PHACTR4: variants seen among roughly 807,000 people sequenced by gnomAD.
PHACTR4 encodes protein phosphatase 1, regulatory subunit 124.
A neutral mutation model predicts 72.7 loss-of-function variants in PHACTR4; 51 were observed. That is an observed-to-expected ratio of 0.70 (90% CI 0.56 to 0.89). PHACTR4 has a LOEUF of 0.89. PHACTR4 is among the 40% of genes least tolerant of loss of function. PHACTR4 has a pLI of 0.00. For missense variants in PHACTR4, 731 were observed against 861.8 expected, an observed-to-expected ratio of 0.85 and a Z score of 1.90; for synonymous variants, 255 against 302.5, an observed-to-expected ratio of 0.84 and a Z score of 1.63.
At chr1:28,377,963 T>C (rs577802757) in intron 1 of PHACTR4, among the ~76,000 whole-genome samples, 57 of 151,956 alleles carry the variant, frequency 3.8e-4, no homozygotes, top group Non-Finnish European at 7.4e-4. Flanking sequence ...TTTGGGAGGC[T>C]GAGGCGGGCG....
chr1:28,447,036 A>C (rs951753356), intron 2 of PHACTR4, among the ~76,000 whole-genome samples: 2 of 132,350 alleles, frequency 1.5e-5, no homozygotes, highest in African/African-American at 7.7e-5. Flanking sequence ...ATTTAGATAG[A>C]GTCTCACTTT....
chr1:28,494,088 G>A (rs940329135), intron 13 of PHACTR4: 1 of 152,118 alleles, frequency 6.6e-6, no homozygotes, highest in Non-Finnish European at 1.5e-5. Flanking sequence ...GAGGCTGAGT[G>A]CAGTGGTTCA....
intron 1 of PHACTR4, among the ~76,000 whole-genome samples, chr1:28,380,246 C>T (rs1652056743): frequency 6.7e-6 from 1 of 150,256 alleles, no homozygotes; most frequent in Admixed American, 6.7e-5. Flanking sequence ...TTAGTAGAGA[C>T]GGGGTTTCAC....
chr1:28,408,177 C>T (rs560281015), intron 2 of PHACTR4, among the ~76,000 whole-genome samples: 10 of 152,220 alleles, frequency 6.6e-5, no homozygotes, highest in Non-Finnish European at 1.3e-4. Flanking sequence ...CTTATGTATA[C>T]TTCTCTTTGG....
Position 28,465,398 on chromosome 1 carries a change from T to G in PHACTR4, c.272-287T>G, listed in dbSNP as rs533514279. Among the ~76,000 whole-genome samples the G allele has an allele frequency of 1.3e-5, 2 of 152,228 alleles. 1 individual carries two copies. The highest frequency in any genetic ancestry group is 4.1e-4 in the South Asian group (2 of 4,830). ...TGGCGTGAACCCGGGAGGCAGAGGC[T>G]GCAGCGAGCCAAGATCATGCCACTG... On this transcript the variant is annotated intron_variant, in intron 4 of 13. Coordinates refer to ENST00000373839, the MANE Select transcript of PHACTR4 (RefSeq NM_001048183.3).
intron 1 of PHACTR4, among the ~76,000 whole-genome samples, chr1:28,388,117 G>T (rs981656689): frequency 8.6e-5 from 13 of 151,974 alleles, no homozygotes; most frequent in African/African-American, 2.9e-4. Flanking sequence ...CCTGAGCCAG[G>T]AGACTGAGGA....
chr1:28,448,401 AGAAAGGAAAGGAAAGGGGAAAGGAAAAAG>A (rs1467924627), intron 2 of PHACTR4, among the ~76,000 whole-genome samples: 1 of 149,156 alleles, frequency 6.7e-6, no homozygotes, highest in African/African-American at 2.5e-5. Context: ...AGAAAAGAAA[AGAAAGGAAAGGAAAGGGGAAAGGAAAAAG>A]GAAAGGAAAG....
intron 2 of PHACTR4, among the ~76,000 whole-genome samples, chr1:28,409,951 A>ATTTTTTTTTTTT (rs57186471): frequency 1.1e-4 from 7 of 66,362 alleles, no homozygotes; most frequent in African/African-American, 4.5e-4. Flanking sequence ...TTCTTCATAA[A>ATTTTTTTTTTTT]TTTTTTTTTT....
At chr1:28,443,175 T>C (rs1214088719) in intron 2 of PHACTR4, among the ~76,000 whole-genome samples, 1 of 152,160 alleles carries the variant, frequency 6.6e-6, no homozygotes, top group Admixed American at 6.6e-5. Context: ...TGAGAACATG[T>C]GGTGTTAAAC....
chr1:28,399,771 TAAAATA>T (rs1264154972), intron 1 of PHACTR4, among the ~76,000 whole-genome samples: 1 of 152,032 alleles, frequency 6.6e-6, no homozygotes, highest in Admixed American at 6.6e-5. Context: ...AGTGATACAT[TAAAATA>T]AAAATAAAAC....
intron 9 of PHACTR4, among the ~76,000 whole-genome samples, chr1:28,484,086 G>T (rs1660467250): frequency 6.6e-6 from 1 of 152,064 alleles, no homozygotes; most frequent in Non-Finnish European, 1.5e-5. Flanking sequence ...ACGTTTGAAG[G>T]CCGAGGCAGG....
chr1:28,392,874 GA>G (rs1477878643), intron 1 of PHACTR4, among the ~76,000 whole-genome samples: 1 of 151,926 alleles, frequency 6.6e-6, no homozygotes, highest in Non-Finnish European at 1.5e-5. Flanking sequence ...TTGTGAAGAC[GA>G]AAAAAGAAAA....
intron 1 of PHACTR4, among the ~76,000 whole-genome samples, chr1:28,387,732 A>T (rs968388164): frequency 2.7e-5 from 4 of 147,296 alleles, no homozygotes; most frequent in African/African-American, 7.5e-5. Flanking sequence ...ACAAAAAACA[A>T]TTTTTTTTTT....
intron 1 of PHACTR4, among the ~76,000 whole-genome samples, chr1:28,399,291 G>T (rs1244645591): frequency 6.6e-6 from 1 of 152,082 alleles, no homozygotes; most frequent in Non-Finnish European, 1.5e-5. Flanking sequence ...CAGCCTGGGC[G>T]ACAGAGCAAG....
At chr1:28,446,078 T>C (rs1307761480) in intron 2 of PHACTR4, among the ~76,000 whole-genome samples, 2 of 152,188 alleles carry the variant, frequency 1.3e-5, no homozygotes, top group Non-Finnish European at 2.9e-5. Context: ...TATTTGGTTA[T>C]CAGAATTATA....
intron 6 of PHACTR4, among the ~76,000 whole-genome samples, chr1:28,469,903 A>G (rs1312689506): frequency 6.6e-6 from 1 of 151,752 alleles, no homozygotes; most frequent in Non-Finnish European, 1.5e-5. Flanking sequence ...TAAAAATACA[A>G]AAAATGATCT....
intron 1 of PHACTR4, among the ~76,000 whole-genome samples, chr1:28,385,563 C>T (rs1157879966): frequency 1.4e-5 from 2 of 142,668 alleles, no homozygotes; most frequent in Non-Finnish European, 3.0e-5. Flanking sequence ...AAAAAAAAGT[C>T]ATTCAGGAGC....
intron 2 of PHACTR4, among the ~76,000 whole-genome samples, chr1:28,409,653 G>T (rs1654621912): frequency 6.6e-6 from 1 of 152,126 alleles, no homozygotes; most frequent in Non-Finnish European, 1.5e-5. Flanking sequence ...AGGAAGTATA[G>T]TAAAAATACT....
At chr1:28,400,725 G>A (rs559295895) in intron 1 of PHACTR4, among the ~76,000 whole-genome samples, 32 of 152,088 alleles carry the variant, frequency 2.1e-4, no homozygotes, top group East Asian at 3.9e-4. Flanking sequence ...GACTACAGGC[G>A]CGCGCCACCA....
Sources: allele counts gnomAD v4.1 joint callset (sites outside exome capture counted in the v4.1 genomes callset), GRCh38; gene constraint gnomAD v4.1.1; transcripts MANE v1.5; gene names NCBI Gene and HGNC (gene_info 2026-07-23, HGNC 2026-07-21).